ZC3H18: variants seen among roughly 807,000 people sequenced by gnomAD.
ZC3H18 encodes the protein zinc finger CCCH-type containing 18.
Under a neutral mutation model 106.1 loss-of-function variants are expected in ZC3H18, and 8 were observed. That is an observed-to-expected ratio of 0.08 (90% CI 0.04 to 0.14). The LOEUF (loss-of-function observed/expected upper bound fraction) is 0.14. Among genes scored for constraint, ZC3H18 ranks in the 10% least tolerant of loss-of-function variants. The pLI, the probability that ZC3H18 is intolerant of heterozygous loss-of-function variation, is 1.00. For synonymous variants in ZC3H18, 635 were observed against 522.1 expected (o/e 1.22, Z -2.95); for missense variants, 1,318 against 1,278.4 (o/e 1.03, Z -0.47).
Position 88,615,085 on chromosome 16 carries a change from G to A in ZC3H18, c.1475+3549G>A, listed in dbSNP as rs1194744694. Among the ~76,000 whole-genome samples the A allele has an allele frequency of 3.1e-5, 4 of 128,112 alleles. No individual in the cohort carries two copies. The South Asian group carries it at 7.4e-4, about 24-fold the overall frequency. The allele number at this position is 128,112 out of a possible 152,430, so 84.0% of individuals were successfully genotyped here. ...TGGACGGGCTGCCCCCACCTGCTCC[G>A]TTCCCTCTGCCTGGACGGGCTGCCC... is the stretch of plus-strand genomic sequence containing the variant. On this transcript the variant is annotated intron_variant, in intron 8 of 17. Coordinates refer to ENST00000301011, the MANE Select transcript of ZC3H18 (RefSeq NM_144604.4).
chr16:88,580,184 GTGTGTGTGTGTGTGTGTGTGTGTGTA>G (rs55884366), intron 2 of ZC3H18, among the ~76,000 whole-genome samples: 3,431 of 78,654 alleles, frequency 0.044, 64 homozygotes, highest in Non-Finnish European at 0.07. Context: ...GTGTGTGTGT[GTGTGTGTGTGTGTGTGTGTGTGTGTA>G]TATGTATATG....
Position 88,631,123 on chromosome 16 carries a change from T to G in ZC3H18, c.2686T>G (p.Ser896Ala). Residue 896 changes from serine to alanine, a missense_variant, in exon 18 of 18, where the codon TCC becomes GCC. Coordinates refer to ENST00000301011, the MANE Select transcript of ZC3H18 (RefSeq NM_144604.4). ...TAGGAAGCGCCAGCTGTCACCCCAG[T>G]CCAAGAGCTCCAGCAAGGTCACGAG... is the stretch of plus-strand genomic sequence containing the variant. The part of the protein sequence containing the change: ...ADRKRQLSPQ[S>A]KSSSKVTSVP... The G allele has an allele frequency of 3.1e-6, 5 of 1,612,578 alleles. No homozygotes were observed. Among genetic ancestry groups the G allele is most frequent in the Non-Finnish European group, 4.2e-6 (5 of 1,179,998 alleles).
intron 1 of ZC3H18, among the ~76,000 whole-genome samples, chr16:88,575,456 C>T (rs767688624): frequency 6.6e-6 from 1 of 152,022 alleles, no homozygotes; most frequent in Non-Finnish European, 1.5e-5. Context: ...GACCGCTGAC[C>T]TGGCACTGTC....
chr16:88,586,732 C>A, intron 3 of ZC3H18, 48 bp downstream of exon 3: 2 of 1,501,346 alleles, frequency 1.3e-6, no homozygotes, highest in Non-Finnish European at 1.8e-6. Context: ...GGGGCCCCAC[C>A]TTCTGGGGCT....
Position 88,604,871 on chromosome 16 carries a change from A to T in ZC3H18, c.1089-4063A>T, listed in dbSNP as rs570114384. Among the ~76,000 whole-genome samples, 12 of 151,920 alleles carry T rather than the reference A, an allele frequency of 7.9e-5. No homozygotes were observed. In the South Asian group the frequency reaches 1.9e-3, roughly 24 times the overall value. ...CACCGTGAACAGAGTTTCTGATTAAATCAGAGTCAGGCTGTCAGGCCATGG... is the reference window on the plus strand; with the variant it reads ...CACCGTGAACAGAGTTTCTGATTAATTCAGAGTCAGGCTGTCAGGCCATGG... On this transcript the variant is annotated intron_variant, in intron 6 of 17. Transcript: ENST00000301011.
At chr16:88,614,702 A>G (rs1463663145) in intron 8 of ZC3H18, among the ~76,000 whole-genome samples, 1 of 152,266 alleles carries the variant, frequency 6.6e-6, no homozygotes, top group Non-Finnish European at 1.5e-5. Context: ...TTTGAAGTTT[A>G]CATGGTCATC....
chr16:88,586,751 G>A lies in ZC3H18; in HGVS notation c.688+67G>A, dbSNP rs116632930. ...CCCCACCTTCTGGGGCTGTGGTGCTGGCTCACCTTGCCAGGCCCTGCTCTG... is the reference window on the plus strand; with the variant it reads ...CCCCACCTTCTGGGGCTGTGGTGCTAGCTCACCTTGCCAGGCCCTGCTCTG... On this transcript the variant is annotated intron_variant, in intron 3 of 17. Transcript: ENST00000301011. The A allele has an allele frequency of 7.1e-4, 930 of 1,311,732 alleles. 9 individuals carry two copies. The African/African-American group carries it at 0.013, about 18-fold the overall frequency. The allele number at this position is 1,311,732 out of a possible 1,614,324, so 81.3% of individuals were successfully genotyped here.
chr16:88,570,689 C>G (rs576767933), intron 1 of ZC3H18, 123 bp downstream of exon 1: 312 of 151,240 alleles, frequency 2.1e-3, no homozygotes, highest in Non-Finnish European at 3.5e-3. Flanking sequence ...TCCGGCCGTG[C>G]GGACCCACCG....
At position 88,627,301 on chromosome 16, in the gene ZC3H18, A is replaced by C. The variant is rs1034573838; in HGVS notation, c.2109-321A>C. On this transcript the variant is annotated intron_variant, in intron 13 of 17. Coordinates refer to ENST00000301011, the MANE Select transcript of ZC3H18 (RefSeq NM_144604.4). The surrounding 1 kb of genome is among the most constrained non-coding windows in gnomAD (Gnocchi z 4.5). ...GCCAAGCTGGTCCCGAACTCCTGACATCAGTTCAGCTGGGTCTCAGACCCC... is the reference window on the plus strand; with the variant it reads ...GCCAAGCTGGTCCCGAACTCCTGACCTCAGTTCAGCTGGGTCTCAGACCCC... 75 of 225,566 alleles carry C rather than the reference A, an allele frequency of 3.3e-4. No homozygotes were observed. Among genetic ancestry groups the C allele is most frequent in the Middle Eastern group, 1.5e-3 (1 of 666 alleles). 14.0% of individuals were successfully genotyped at this position (225,566 alleles called of 1,614,324 possible).
At chr16:88,620,991 C>G (rs1274090083) in intron 8 of ZC3H18, among the ~76,000 whole-genome samples, 2 of 151,760 alleles carry the variant, frequency 1.3e-5, no homozygotes, top group Admixed American at 1.3e-4. Context: ...CTCAGGCTCC[C>G]CAGTAGCTGG....
chr16:88,621,823 G>A (rs1411780693), intron 8 of ZC3H18, among the ~76,000 whole-genome samples: 2 of 152,172 alleles, frequency 1.3e-5, no homozygotes, highest in Non-Finnish European at 2.9e-5. Context: ...GAACCTACTA[G>A]TATATCAGCA....
intron 8 of ZC3H18, among the ~76,000 whole-genome samples, 173 bp from the exon 9 acceptor site, chr16:88,622,002 GCCATGGACATCACCCAAGTCCA>G (rs1905995093): frequency 1.3e-5 from 2 of 152,272 alleles, no homozygotes; most frequent in South Asian, 4.1e-4. Flanking sequence ...TGAGCCAAGG[GCCATGGACATCACCCAAGTCCA>G]TGGGGTGATG....
At chr16:88,606,777 C>T (rs1378431757) in intron 6 of ZC3H18, among the ~76,000 whole-genome samples, 1 of 152,192 alleles carries the variant, frequency 6.6e-6, no homozygotes, top group East Asian at 1.9e-4. Flanking sequence ...TTAGATTGAA[C>T]GGTGTCCGAC....
chr16:88,586,985 G>T (rs1301566439), intron 3 of ZC3H18, among the ~76,000 whole-genome samples: 1 of 152,230 alleles, frequency 6.6e-6, no homozygotes, highest in African/African-American at 2.4e-5. Context: ...CTATAATGCA[G>T]ATGGCATCAG....
chr16:88,572,177 T>A (rs1914448776), intron 1 of ZC3H18, among the ~76,000 whole-genome samples: 1 of 152,236 alleles, frequency 6.6e-6, no homozygotes, highest in Non-Finnish European at 1.5e-5. Context: ...ACCAGAAGAC[T>A]TCTTTAGGCT....
At chr16:88,608,483 C>T (rs917655427) in intron 6 of ZC3H18, 1 of 152,744 alleles carries the variant, frequency 6.5e-6, no homozygotes, top group Non-Finnish European at 1.5e-5. Context: ...CCTGCCTCAG[C>T]CTCCTGAGTA....
At position 88,586,485 on chromosome 16, in the gene ZC3H18, A is replaced by G. The variant is rs1915442028; in HGVS notation, c.604-115A>G. ...GATTTGGAAAATTGACGTGAATTCA[A>G]TTCCTGTGACAATATCCAGGTTCCA... On this transcript the variant is annotated intron_variant, in intron 2 of 17. Coordinates refer to ENST00000301011, the MANE Select transcript of ZC3H18 (RefSeq NM_144604.4). The G allele has an allele frequency of 1.9e-5, 16 of 856,228 alleles. No homozygotes were observed. The South Asian group carries it at 2.0e-4, about 11-fold the overall frequency. The allele number at this position is 856,228 out of a possible 1,614,324, so 53.0% of individuals were successfully genotyped here. A position where few individuals can be genotyped will look rare whatever the true frequency, so the allele number is the denominator to read the frequency against.
chr16:88,594,823 TAC>T (rs1167153313), intron 3 of ZC3H18, among the ~76,000 whole-genome samples: 2 of 152,210 alleles, frequency 1.3e-5, no homozygotes, highest in East Asian at 1.9e-4. Context: ...TATAAAATAA[TAC>T]AGTGTTTACA....
rs546117282 is a variant in ZC3H18 at position 88,590,802 on chromosome 16, C to T, written c.688+4118C>T. 2.2e-4 allele frequency among the ~76,000 whole-genome samples: 34 copies of T among 151,952 alleles called. No individual in the cohort carries two copies. The East Asian group carries it at 5.8e-3, about 26-fold the overall frequency. Reference sequence around the variant, plus strand: ...CTCGAACCCCTGACCTCAGGTGATCCGCTCACCTCAGCCTCCCAGAGTGCT... The same window carrying T: ...CTCGAACCCCTGACCTCAGGTGATCTGCTCACCTCAGCCTCCCAGAGTGCT... On this transcript the variant is annotated intron_variant, in intron 3 of 17. Coordinates refer to ENST00000301011, the MANE Select transcript of ZC3H18 (RefSeq NM_144604.4).
Sources: gnomAD v4.1 joint callset for allele counts (sites outside exome capture counted in the v4.1 genomes callset) on GRCh38, gnomAD v4.1.1 for gene constraint, Gnocchi (gnomAD v3.1) non-coding constraint, MANE v1.5 for transcripts, NCBI Gene and HGNC (gene_info 2026-07-23, HGNC 2026-07-21) for gene names.